Variants in NSUN6 observed in about 807,000 individuals in gnomAD.
NSUN6 encodes the protein tRNA (cytosine(72)-C(5))-methyltransferase NSUN6.
A neutral mutation model predicts 58.0 loss-of-function variants in NSUN6; 64 were observed. The ratio of observed to expected loss-of-function variants is 1.10; its 90% confidence interval spans 0.90 to 1.36. The LOEUF is 1.36. Among genes scored for constraint, NSUN6 ranks in the 40% most tolerant of loss-of-function variants. The pLI, the probability that NSUN6 is intolerant of heterozygous loss-of-function variation, is 0.00. For synonymous variants in NSUN6, 231 were observed against 193.9 expected (o/e 1.19, Z -1.59); for missense variants, 701 against 550.1 (o/e 1.27, Z -2.74).
chr10:18,631,308 G>C (rs1192217921), intron 3 of NSUN6, among the ~76,000 whole-genome samples: 1 of 145,498 alleles, frequency 6.9e-6, no homozygotes, highest in South Asian at 2.3e-4. Context: ...TACTGAATGG[G>C]CAAAAACTGG....
intron 2 of NSUN6, among the ~76,000 whole-genome samples, chr10:18,645,930 C>A (rs2131586719): frequency 6.6e-6 from 1 of 152,270 alleles, no homozygotes; most frequent in Non-Finnish European, 1.5e-5. Flanking sequence ...ATATGGGATT[C>A]ACGCGTGTAA....
chr10:18,551,938 C>G lies in NSUN6; in HGVS notation c.956G>C (p.Arg319Pro). The change falls in exon 9 of 11, where the codon CGA becomes CCA. Residue 319 changes from arginine to proline, a missense_variant. Transcript: ENST00000377304. The part of the protein sequence containing the change: ...EPPFLPESFD[R>P]ILLDAPCSGM... ...ACTACAGGGTGCATCCAGAAGAATT[C>G]GGTCAAAGGATTCTGGTAGAAATGG... 1 of 1,607,140 alleles carries G rather than the reference C, an allele frequency of 6.2e-7. No individual in the cohort carries two copies. Among genetic ancestry groups the G allele is most frequent in the Non-Finnish European group, 8.5e-7 (1 of 1,174,446 alleles).
At chr10:18,651,934 C>G (rs952221585), upstream of NSUN6, 4 of 985,302 alleles carry the variant, frequency 4.1e-6, no homozygotes, top group Non-Finnish European at 4.8e-6. Context: ...CAGTTGCTGT[C>G]CTGCCAGATG....
intron 7 of NSUN6, among the ~76,000 whole-genome samples, chr10:18,592,654 G>A (rs1181618742): frequency 6.6e-6 from 1 of 152,152 alleles, no homozygotes; most frequent in Non-Finnish European, 1.5e-5. Context: ...TGGGAAAACT[G>A]GCTGTCCATA....
At chr10:18,579,204 G>A (rs916238383) in intron 8 of NSUN6, among the ~76,000 whole-genome samples, 1 of 151,730 alleles carries the variant, frequency 6.6e-6, no homozygotes, top group Non-Finnish European at 1.5e-5. Context: ...ACGGAGTCTC[G>A]CTCTGTCACC....
chr10:18,572,262 T>G (rs751112030), intron 8 of NSUN6, among the ~76,000 whole-genome samples: 1 of 142,914 alleles, frequency 7.0e-6, no homozygotes. Flanking sequence ...TCCATCCCAT[T>G]CTCCATTCCA....
chr10:18,556,520 TG>T (rs2055036011), intron 8 of NSUN6, among the ~76,000 whole-genome samples: 1 of 145,338 alleles, frequency 6.9e-6, no homozygotes, highest in Non-Finnish European at 1.5e-5. Flanking sequence ...GAACGGAGAA[TG>T]GAATGGAATG....
chr10:18,557,582 G>C (rs183487029), intron 8 of NSUN6, among the ~76,000 whole-genome samples: 2 of 151,460 alleles, frequency 1.3e-5, no homozygotes, highest in Admixed American at 1.3e-4. Context: ...GGAATGAATG[G>C]AATGGAGAAT....
intron 7 of NSUN6, among the ~76,000 whole-genome samples, chr10:18,594,015 C>T (rs2057481855): frequency 6.6e-6 from 1 of 151,888 alleles, no homozygotes; most frequent in Non-Finnish European, 1.5e-5. Flanking sequence ...TCCTGGCCAA[C>T]ATGGTGAAAC....
At chr10:18,559,616 GGAATGGAATGGA>G (rs1446886356) in intron 8 of NSUN6, among the ~76,000 whole-genome samples, 1 of 148,396 alleles carries the variant, frequency 6.7e-6, no homozygotes, top group East Asian at 2.0e-4. Context: ...AATGGAATGC[GGAATGGAATGGA>G]GAATGGAATG....
chr10:18,600,959 T>TATATATATATACATAC, intron 6 of NSUN6, among the ~76,000 whole-genome samples: 1 of 64,926 alleles, frequency 1.5e-5, no homozygotes, highest in East Asian at 8.7e-4. Flanking sequence ...TATATATATA[T>TATATATATATACATAC]ACATATATAT....
intron 3 of NSUN6, among the ~76,000 whole-genome samples, chr10:18,637,948 GAC>G (rs2059271689): frequency 2.0e-5 from 3 of 152,278 alleles, no homozygotes; most frequent in African/African-American, 7.2e-5. Flanking sequence ...TAAGCACAGA[GAC>G]AGTTCAGAAA....
chr10:18,620,919 A>C (rs1362597155), intron 3 of NSUN6, among the ~76,000 whole-genome samples: 1 of 152,250 alleles, frequency 6.6e-6, no homozygotes, highest in Non-Finnish European at 1.5e-5. Context: ...TATGAAAATA[A>C]CATGGAGGGG....
chr10:18,652,605 G>C (rs2059729104), upstream of NSUN6: 9 of 948,166 alleles, frequency 9.5e-6, no homozygotes, highest in Non-Finnish European at 1.1e-5. Flanking sequence ...CTGTCGCCCA[G>C]ACTGGAGTGG....
chr10:18,606,613 T>C (rs1281516419), intron 6 of NSUN6, among the ~76,000 whole-genome samples: 1 of 152,206 alleles, frequency 6.6e-6, no homozygotes, highest in Admixed American at 6.5e-5. Flanking sequence ...TGTACCATGG[T>C]AGTATATTAC....
Position 18,545,735 on chromosome 10 carries a change from A to G in NSUN6, c.*198T>C. ...AATACATAAAAAAAAAAAATCTTTT[A>G]AAAACAGAAAATATAATCTCATACC... On this transcript the variant is annotated 3_prime_UTR_variant, in exon 11 of 11. Coordinates refer to ENST00000377304, the MANE Select transcript of NSUN6 (RefSeq NM_182543.5). 2.0e-6 allele frequency: 1 copy of G among 511,252 alleles called. No homozygotes were observed. The allele number at this position is 511,252 out of a possible 1,614,324, so 31.7% of individuals were successfully genotyped here. A position where few individuals can be genotyped will look rare whatever the true frequency, so the allele number is the denominator to read the frequency against.
At chr10:18,566,039 C>T (rs1297021720) in intron 8 of NSUN6, among the ~76,000 whole-genome samples, 1 of 151,156 alleles carries the variant, frequency 6.6e-6, no homozygotes, top group Admixed American at 6.6e-5. Flanking sequence ...TTCTCCATTC[C>T]ACTCTATTCC....
intron 4 of NSUN6, among the ~76,000 whole-genome samples, chr10:18,614,922 T>A (rs2058357930): frequency 6.6e-6 from 1 of 152,110 alleles, no homozygotes; most frequent in African/African-American, 2.4e-5. Context: ...AAAGATTTCT[T>A]ATAAATCTTG....
chr10:18,618,458 G>A (rs1042461347), intron 3 of NSUN6, among the ~76,000 whole-genome samples: 6 of 151,946 alleles, frequency 3.9e-5, no homozygotes, highest in Admixed American at 3.3e-4. Context: ...GAGGTGGGTG[G>A]ATCACATGAG....
Sources: allele counts gnomAD v4.1 joint callset (sites outside exome capture counted in the v4.1 genomes callset), GRCh38; gene constraint gnomAD v4.1.1; transcripts MANE v1.5; gene names NCBI Gene and HGNC (gene_info 2026-07-23, HGNC 2026-07-21).